The following CCDC33 variants were observed in gnomAD, a reference collection of about 807,000 sequenced individuals.
The protein encoded by CCDC33 is coiled-coil domain containing 33.
In CCDC33, 94 loss-of-function variants were observed where a neutral mutation model predicts 91.9. The observed-to-expected ratio is 1.02, with a 90% CI of 0.87 to 1.21. The LOEUF (loss-of-function observed/expected upper bound fraction) is 1.21, where lower values mean the gene tolerates loss of function less well. Ranked by LOEUF, CCDC33 falls within the 50% of genes most tolerant of loss-of-function variation. The pLI, the probability that CCDC33 is intolerant of heterozygous loss-of-function variation, is 0.00. For synonymous variants in CCDC33, 396 were observed against 374.5 expected, an observed-to-expected ratio of 1.06 and a Z score of -0.66; for missense variants, 940 against 935.5, an observed-to-expected ratio of 1.00 and a Z score of -0.06.
At chr15:74,256,560 G>T (rs531483976) in intron 2 of CCDC33, among the ~76,000 whole-genome samples, 22 of 152,218 alleles carry the variant, frequency 1.4e-4, no homozygotes, top group Non-Finnish European at 2.2e-4. Context: ...GGACTGTGAT[G>T]GTGACTGACA....
intron 11 of CCDC33, among the ~76,000 whole-genome samples, chr15:74,298,543 G>C (rs1245068860): frequency 6.6e-6 from 1 of 151,954 alleles, no homozygotes; most frequent in Admixed American, 6.6e-5. Context: ...TTTTTTGTTT[G>C]TTTGTTTGTT....
intron 3 of CCDC33, among the ~76,000 whole-genome samples, chr15:74,264,955 T>C (rs1469662822): frequency 6.6e-6 from 1 of 152,118 alleles, no homozygotes; most frequent in Non-Finnish European, 1.5e-5. Flanking sequence ...CTTACCTCAA[T>C]CTCCCTTCTT....
intron 1 of CCDC33, among the ~76,000 whole-genome samples, chr15:74,205,052 G>A (rs1487972348): frequency 6.6e-6 from 1 of 152,198 alleles, no homozygotes; most frequent in East Asian, 1.9e-4. Flanking sequence ...GCACCAAATG[G>A]AACCTGATGT....
chr15:74,286,944 A>G (rs1019090580), intron 10 of CCDC33, among the ~76,000 whole-genome samples: 1 of 152,118 alleles, frequency 6.6e-6, no homozygotes, highest in Non-Finnish European at 1.5e-5. Context: ...CAAGTCTTTG[A>G]TGCTACTCTG....
At chr15:74,223,702 A>G (rs1167830382) in intron 2 of CCDC33, among the ~76,000 whole-genome samples, 1 of 140,464 alleles carries the variant, frequency 7.1e-6, no homozygotes, top group Non-Finnish European at 1.5e-5. Flanking sequence ...GCTTCTGCTG[A>G]GGCTGTGCCC....
intron 1 of CCDC33, 78 bp downstream of exon 1, chr15:74,236,818 C>T: frequency 4.2e-6 from 6 of 1,432,172 alleles, no homozygotes; most frequent in Non-Finnish European, 5.8e-6. Flanking sequence ...GTTTTGTTTG[C>T]TCCTTAATCA....
intron 11 of CCDC33, among the ~76,000 whole-genome samples, chr15:74,324,728 G>A (rs1030270888): frequency 6.6e-6 from 1 of 151,378 alleles, no homozygotes; most frequent in African/African-American, 2.4e-5. Flanking sequence ...ATCACCATCA[G>A]CCACTGCTGG....
chr15:74,295,745 T>C lies in CCDC33; in HGVS notation c.1096-9T>C. The C allele has an allele frequency of 6.2e-7, 1 of 1,608,756 alleles. No individual in the cohort carries two copies. Among genetic ancestry groups the C allele is most frequent in the Non-Finnish European group, 8.5e-7 (1 of 1,177,662 alleles). ...TGTCCTGAAGTTTCTCTGCACCTTC[T>C]CTTCTCAGAGACCAGAAAACTTCTT... On this transcript the variant is annotated splice_polypyrimidine_tract_variant and intron_variant, in intron 10 of 18. Transcript: ENST00000398814.
In CCDC33 at chr15:74,209,322, A is replaced by G; in HGVS notation, n.90-66A>G. The G allele has an allele frequency of 2.0e-6, 3 of 1,494,606 alleles. 1 individual carries two copies. In the South Asian group the frequency reaches 3.6e-5, roughly 18 times the overall value. 92.6% of individuals were successfully genotyped at this position (1,494,606 alleles called of 1,614,324 possible). On this transcript the variant is annotated intron_variant and non_coding_transcript_variant, in intron 1 of 3. Transcript: ENST00000558645. ...GGCTTTGATGGCTGAGTTTCCCCAG[A>G]TGTGGCCTTAGAGAAGCTGAGGAAC...
intron 2 of CCDC33, among the ~76,000 whole-genome samples, chr15:74,261,639 G>A (rs1272998661): frequency 6.6e-6 from 1 of 152,188 alleles, no homozygotes; most frequent in Non-Finnish European, 1.5e-5. Context: ...GATGGCCCTG[G>A]CCTAGTAACC....
At chr15:74,211,612 C>T (rs2074369786) in intron 2 of CCDC33, among the ~76,000 whole-genome samples, 1 of 152,088 alleles carries the variant, frequency 6.6e-6, no homozygotes. Flanking sequence ...CCATGTTGGT[C>T]AGGCTGGTCT....
chr15:74,211,172 CA>C (rs2074363661), intron 2 of CCDC33, among the ~76,000 whole-genome samples: 1 of 151,930 alleles, frequency 6.6e-6, no homozygotes, highest in Non-Finnish European at 1.5e-5. Flanking sequence ...CACACACACA[CA>C]CACACACACC....
In CCDC33 at chr15:74,328,678, G is replaced by T. The variant is rs181888974; in HGVS notation, c.1291-1511G>T. On this transcript the variant is annotated intron_variant, in intron 11 of 18. Transcript: ENST00000398814. ...CAACCAGAAGGCTAGACAGTGGCAG[G>T]TGACAAGTGGTGTCTGGTGGGCCCC... 5.2e-4 allele frequency among the ~76,000 whole-genome samples: 79 copies of T among 152,346 alleles called. No homozygotes were observed. The East Asian group carries it at 0.014, about 27-fold the overall frequency.
chr15:74,310,468 C>G (rs977771186), intron 11 of CCDC33, among the ~76,000 whole-genome samples: 1 of 148,528 alleles, frequency 6.7e-6, no homozygotes, highest in African/African-American at 2.5e-5. Flanking sequence ...ACCCAGGAGA[C>G]AGAGGTTGCA....
At chr15:74,220,448 T>G (rs1203974588) in intron 2 of CCDC33, among the ~76,000 whole-genome samples, 1 of 152,224 alleles carries the variant, frequency 6.6e-6, no homozygotes, top group Non-Finnish European at 1.5e-5. Context: ...CAGGGCCTGG[T>G]GTCCTACAGT....
intron 17 of CCDC33, among the ~76,000 whole-genome samples, chr15:74,334,282 CCAGGGTCAGGGTTCAGTGTACAAT>C (rs1251916659): frequency 2.6e-5 from 4 of 151,306 alleles, no homozygotes; most frequent in Non-Finnish European, 5.9e-5. Context: ...CAGTGTGTGA[CCAGGGTCAGGGTTCAGTGTACAAT>C]CAGGGTCAGG....
At chr15:74,329,523 C>T (rs1386220956) in intron 11 of CCDC33, among the ~76,000 whole-genome samples, 1 of 152,230 alleles carries the variant, frequency 6.6e-6, no homozygotes, top group Non-Finnish European at 1.5e-5. Flanking sequence ...ACCTGGAACA[C>T]AGTGAATGCT....
At chr15:74,310,222 G>A (rs1351748918) in intron 11 of CCDC33, among the ~76,000 whole-genome samples, 1 of 151,990 alleles carries the variant, frequency 6.6e-6, no homozygotes, top group Non-Finnish European at 1.5e-5. Flanking sequence ...TGTGCTTGGT[G>A]CAGAAGGTCT....
At chr15:74,261,782 T>A (rs1016096834) in intron 2 of CCDC33, among the ~76,000 whole-genome samples, 12 of 152,140 alleles carry the variant, frequency 7.9e-5, no homozygotes, top group African/African-American at 2.9e-4. Context: ...TCCTGAACAA[T>A]CTGAGTGCTT....
Sources: allele counts gnomAD v4.1 joint callset (sites outside exome capture counted in the v4.1 genomes callset), GRCh38; gene constraint gnomAD v4.1.1; transcripts MANE v1.5; gene names NCBI Gene and HGNC (gene_info 2026-07-23, HGNC 2026-07-21).